Variants in PAK6 observed in about 807,000 individuals in gnomAD.
PAK6 encodes the protein serine/threonine-protein kinase PAK 6.
A neutral mutation model predicts 60.8 loss-of-function variants in PAK6; 33 were observed. The ratio of observed to expected loss-of-function variants is 0.54; its 90% CI spans 0.41 to 0.73. The LOEUF (loss-of-function observed/expected upper bound fraction) is 0.73. Among genes scored for constraint, PAK6 ranks in the 30% least tolerant of loss-of-function variants. The pLI is 0.00. For missense variants in PAK6, 845 were observed against 904.1 expected (o/e 0.93, Z 0.84); for synonymous variants, 404 against 378.5 (o/e 1.07, Z -0.78).
rs868567227 is a variant in PAK6 at position 40,252,994 on chromosome 15, G to T, written c.-117-184G>T. ...GGGGCCGCCCCGGAAGCGGTGCTGCGCCCAACGTCCCCTTCTCCCCGTAAG... is the reference window on the plus strand; with the variant it reads ...GGGGCCGCCCCGGAAGCGGTGCTGCTCCCAACGTCCCCTTCTCCCCGTAAG... On this transcript the variant is annotated intron_variant, in intron 2 of 10. Transcript: ENST00000560346. 1.2e-4 allele frequency: 56 copies of T among 486,302 alleles called. No individual in the cohort carries two copies. In the Middle Eastern group the frequency reaches 2.4e-3, roughly 21 times the overall value. The allele number at this position is 486,302 out of a possible 1,614,324, so 30.1% of individuals were successfully genotyped here.
chr15:40,247,440 A>C (rs944824026), intron 2 of PAK6: 18 of 152,164 alleles, frequency 1.2e-4, no homozygotes, highest in African/African-American at 4.1e-4. Flanking sequence ...CCCAGGATGC[A>C]CCTGGGACGG....
intron 5 of PAK6, among the ~76,000 whole-genome samples, chr15:40,271,631 G>A (rs935878956): frequency 6.6e-6 from 1 of 152,176 alleles, no homozygotes; most frequent in Non-Finnish European, 1.5e-5. Flanking sequence ...CTCTGTCAGG[G>A]ACATAACCTC....
intron 5 of PAK6, chr15:40,266,745 T>G: frequency 2.3e-6 from 1 of 437,710 alleles, no homozygotes; most frequent in Non-Finnish European, 4.0e-6. Context: ...TGTTCCCAAG[T>G]GTGTGGCCAT....
chr15:40,264,584 G>A (rs894168094), intron 3 of PAK6, 197 bp from the exon 4 acceptor site: 35 of 631,420 alleles, frequency 5.5e-5, no homozygotes, highest in Middle Eastern at 2.5e-4. Flanking sequence ...TTTATGGCAC[G>A]TTTGTTGTTT....
chr15:40,274,317 C>T (rs755739260), intron 10 of PAK6, 41 bp downstream of exon 10: 2 of 1,542,162 alleles, frequency 1.3e-6, no homozygotes, highest in Non-Finnish European at 1.7e-6. Flanking sequence ...AGACCCCATT[C>T]CTCCTGAGGC....
At chr15:40,241,976 CTG>C (rs2038364663) in intron 2 of PAK6, among the ~76,000 whole-genome samples, 1 of 152,362 alleles carries the variant, frequency 6.6e-6, no homozygotes, top group South Asian at 2.1e-4. Flanking sequence ...AAAGGTGACT[CTG>C]TGCCTAGGAG....
At chr15:40,264,127 C>T (rs1021446425) in intron 3 of PAK6, among the ~76,000 whole-genome samples, 1 of 152,100 alleles carries the variant, frequency 6.6e-6, no homozygotes, top group Non-Finnish European at 1.5e-5. Flanking sequence ...CATAATAGTC[C>T]CACACCGGGC....
intron 5 of PAK6, among the ~76,000 whole-genome samples, chr15:40,271,666 G>A (rs530483475): frequency 2.8e-4 from 43 of 152,280 alleles, no homozygotes; most frequent in South Asian, 1.4e-3. Flanking sequence ...CAAACTCCCT[G>A]CTGCAGGCAC....
At chr15:40,266,988 T>G (rs537677626) in intron 5 of PAK6, 122 of 154,118 alleles carry the variant, frequency 7.9e-4, no homozygotes, top group Non-Finnish European at 1.4e-3. Context: ...AGGAGACTGA[T>G]AGAGAGAGGG....
intron 2 of PAK6, among the ~76,000 whole-genome samples, chr15:40,244,381 T>C (rs915843732): frequency 7.0e-6 from 1 of 143,724 alleles, no homozygotes; most frequent in African/African-American, 2.6e-5. Flanking sequence ...CAGAGACTTT[T>C]GTTTTCTCTT....
rs1307789154 is a variant in PAK6 at position 40,274,168 on chromosome 15, G to A, written c.1770G>A (p.Met590Ile). The change falls in exon 10 of 11, where the codon ATG becomes ATA. Residue 590 changes from methionine to isoleucine, a missense_variant. Transcript: ENST00000560346. The stretch of plus-strand genomic sequence containing the variant: ...TGGATATCTGGTCTCTGGGCATCAT[G>A]GTGATTGAGATGGTAGATGGGGAGC... 3.7e-6 allele frequency: 6 copies of A among 1,613,966 alleles called. No individual in the cohort carries two copies. Among genetic ancestry groups the A allele is most frequent in the Non-Finnish European group, 5.1e-6 (6 of 1,180,020 alleles).
exon 5 of PAK6, chr15:40,266,014 C>G: frequency 6.2e-7 from 1 of 1,601,600 alleles, no homozygotes; most frequent in Non-Finnish European, 8.5e-7. Flanking sequence ...GCCACCGACC[C>G]AGACATGTAC....
chr15:40,266,847 A>G (rs965388621), intron 5 of PAK6: 4 of 234,620 alleles, frequency 1.7e-5, no homozygotes, highest in Non-Finnish European at 2.5e-5. Flanking sequence ...CTTGTGAGAA[A>G]GGAAAGGGTG....
chr15:40,250,983 C>G (rs936073078), intron 2 of PAK6: 3 of 152,528 alleles, frequency 2.0e-5, no homozygotes, highest in African/African-American at 7.2e-5. Context: ...GGGAGCCATT[C>G]TGGTATCACC....
chr15:40,259,296 G>A (rs753868880), intron 3 of PAK6: 1 of 152,388 alleles, frequency 6.6e-6, no homozygotes, highest in Non-Finnish European at 1.5e-5. Flanking sequence ...AAGGAGCCCT[G>A]GAAATGGCAA....
exon 6 of PAK6, chr15:40,272,343 C>T (rs1028517017): frequency 6.2e-7 from 1 of 1,613,744 alleles, no homozygotes; most frequent in African/African-American, 1.3e-5. Context: ...CTTCGGATAC[C>T]AGCAGCCCCC....
At chr15:40,257,370 A>G (rs2038865449) in intron 3 of PAK6, among the ~76,000 whole-genome samples, 1 of 152,212 alleles carries the variant, frequency 6.6e-6, no homozygotes, top group Admixed American at 6.5e-5. Context: ...GTTCTTGTGA[A>G]TCCCTTCGGT....
chr15:40,274,595 T>C (rs537956448), intron 10 of PAK6, among the ~76,000 whole-genome samples: 1 of 152,274 alleles, frequency 6.6e-6, no homozygotes. Context: ...ACACCAGCAA[T>C]CCCTGCTGTC....
chr15:40,259,612 C>T (rs928167512), intron 3 of PAK6: 3 of 151,840 alleles, frequency 2.0e-5, no homozygotes, highest in African/African-American at 7.3e-5. Context: ...CATGGTGAAA[C>T]CCTATCTCTA....
Sources: allele counts gnomAD v4.1 joint callset (sites outside exome capture counted in the v4.1 genomes callset), GRCh38; gene constraint gnomAD v4.1.1; transcripts MANE v1.5; gene names NCBI Gene and HGNC (gene_info 2026-07-23, HGNC 2026-07-21).